The following SMARCC1 variants were observed in gnomAD, a reference collection of about 807,000 sequenced individuals.
SMARCC1 encodes SWI/SNF related BAF chromatin remodeling complex subunit C1.
Under a neutral mutation model 147.4 loss-of-function variants are expected in SMARCC1, and 43 were observed. The ratio of observed to expected loss-of-function variants is 0.29; its 90% CI spans 0.23 to 0.38. SMARCC1 has a LOEUF of 0.38. Among genes scored for constraint, SMARCC1 ranks in the 10% least tolerant of loss-of-function variants. The pLI is 1.00. For synonymous variants in SMARCC1, 495 were observed against 484.4 expected (o/e 1.02, Z -0.29); for missense variants, 1,119 against 1,381.1 (o/e 0.81, Z 3.01).
chr3:47,680,847 G>A (rs2033636310), intron 14 of SMARCC1, among the ~76,000 whole-genome samples: 2 of 151,944 alleles, frequency 1.3e-5, no homozygotes, highest in Admixed American at 6.6e-5. Context: ...GCGCCCGGCC[G>A]GAGTGTTCTT....
intron 7 of SMARCC1, among the ~76,000 whole-genome samples, chr3:47,716,040 T>C (rs1330705711): frequency 6.6e-6 from 1 of 151,548 alleles, no homozygotes; most frequent in Admixed American, 6.6e-5. Context: ...TACTGACCAG[T>C]AAACTATGAA....
At chr3:47,747,372 G>A (rs1051457736) in intron 2 of SMARCC1, among the ~76,000 whole-genome samples, 1 of 151,116 alleles carries the variant, frequency 6.6e-6, no homozygotes, top group Non-Finnish European at 1.5e-5. Context: ...AGGAGGCAAA[G>A]GTTGCAGTGA....
intron 21 of SMARCC1, among the ~76,000 whole-genome samples, chr3:47,653,739 T>C (rs2033222900): frequency 6.6e-6 from 1 of 152,222 alleles, no homozygotes; most frequent in Non-Finnish European, 1.5e-5. Flanking sequence ...ATTTGAAATA[T>C]TTATGTTATG....
At chr3:47,772,254 C>T (rs2034922834) in intron 2 of SMARCC1, among the ~76,000 whole-genome samples, 1 of 151,944 alleles carries the variant, frequency 6.6e-6, no homozygotes, top group African/African-American at 2.4e-5. Flanking sequence ...CCCATATGCG[C>T]GTGGTAGCAC....
chr3:47,753,347 A>G (rs1399136779), intron 2 of SMARCC1, among the ~76,000 whole-genome samples: 7 of 151,204 alleles, frequency 4.6e-5, no homozygotes, highest in Admixed American at 6.6e-5. Flanking sequence ...AAAAAGAAGA[A>G]AAGAGAAGAT....
At chr3:47,682,537 A>C (rs1024249771) in intron 14 of SMARCC1, among the ~76,000 whole-genome samples, 4 of 152,198 alleles carry the variant, frequency 2.6e-5, no homozygotes, top group African/African-American at 7.2e-5. Flanking sequence ...GATTACAGAC[A>C]AGAGCCATAG....
intron 18 of SMARCC1, among the ~76,000 whole-genome samples, chr3:47,672,732 T>C (rs1277093295): frequency 6.6e-6 from 1 of 152,164 alleles, no homozygotes; most frequent in East Asian, 1.9e-4. Context: ...AGCCACAAAG[T>C]GTAGAAAGAA....
At chr3:47,690,596 T>C (rs777537699) in intron 12 of SMARCC1, among the ~76,000 whole-genome samples, 7 of 152,184 alleles carry the variant, frequency 4.6e-5, no homozygotes, top group South Asian at 2.1e-4. Context: ...ATACAAAGCA[T>C]TGGCAGGAAA....
chr3:47,780,373 G>A (rs1177164896), intron 1 of SMARCC1, among the ~76,000 whole-genome samples: 1 of 151,822 alleles, frequency 6.6e-6, no homozygotes. Context: ...GTTTCACCAT[G>A]TTGGTCAGGC....
At chr3:47,630,832 G>A (rs1157879753) in intron 24 of SMARCC1, among the ~76,000 whole-genome samples, 1 of 152,182 alleles carries the variant, frequency 6.6e-6, no homozygotes, top group Admixed American at 6.5e-5. Context: ...GGAGACTGAG[G>A]TGGGCAGATT....
chr3:47,767,666 G>A (rs1440389798), intron 2 of SMARCC1, among the ~76,000 whole-genome samples: 15 of 133,754 alleles, frequency 1.1e-4, no homozygotes, highest in Admixed American at 8.6e-5. Context: ...TCAGGAGTTC[G>A]AGACCAGCTT....
intron 1 of SMARCC1, among the ~76,000 whole-genome samples, chr3:47,774,068 GTTAATGTGGTATGTCTCTA>G (rs2034946034): frequency 6.6e-6 from 1 of 151,810 alleles, no homozygotes; most frequent in African/African-American, 2.4e-5. Flanking sequence ...ACATTTCAAG[GTTAATGTGGTATGTCTCTA>G]TTACAATAAA....
At chr3:47,721,683 A>T (rs550135094) in intron 6 of SMARCC1, among the ~76,000 whole-genome samples, 1 of 152,186 alleles carries the variant, frequency 6.6e-6, no homozygotes, top group South Asian at 2.1e-4. Context: ...GCTGTTTTTG[A>T]AGTATACAAT....
chr3:47,694,154 C>G (rs2033821352), intron 11 of SMARCC1, among the ~76,000 whole-genome samples: 1 of 152,144 alleles, frequency 6.6e-6, no homozygotes. Context: ...TGTAAGTTAA[C>G]CAGCCCTACA....
chr3:47,758,519 G>C (rs1168241023), intron 2 of SMARCC1, among the ~76,000 whole-genome samples: 1 of 152,008 alleles, frequency 6.6e-6, no homozygotes, highest in Admixed American at 6.6e-5. Context: ...TAACACAACA[G>C]GGTACCATCT....
At chr3:47,739,826 T>G (rs2034487849) in intron 3 of SMARCC1, among the ~76,000 whole-genome samples, 1 of 152,154 alleles carries the variant, frequency 6.6e-6, no homozygotes, top group South Asian at 2.1e-4. Flanking sequence ...CACTATCACT[T>G]CCAGAATCAG....
intron 2 of SMARCC1, among the ~76,000 whole-genome samples, chr3:47,768,659 G>C (rs1045769982): frequency 6.6e-6 from 1 of 152,148 alleles, no homozygotes; most frequent in Admixed American, 6.6e-5. Flanking sequence ...TCAATCAATA[G>C]CTAATTTGAT....
Position 47,594,597 on chromosome 3 carries a change from C to T in SMARCC1, c.3044-3760G>A, listed in dbSNP as rs146393894. Among the ~76,000 whole-genome samples, 11 of 152,072 alleles carry T rather than the reference C, an allele frequency of 7.2e-5. No individual in the cohort carries two copies. The East Asian group carries it at 2.1e-3, about 29-fold the overall frequency. ...TGAGTGCACATAAAGGAGTGAAAGG[C>T]AAACCAAGGAAAAACTATGGAAGGA... is the stretch of plus-strand genomic sequence containing the variant. On this transcript the variant is annotated intron_variant, in intron 26 of 27. Transcript: ENST00000254480.
intron 5 of SMARCC1, among the ~76,000 whole-genome samples, chr3:47,730,079 T>TGAGGCA (rs942596450): frequency 1.3e-5 from 2 of 152,040 alleles, no homozygotes; most frequent in African/African-American, 4.8e-5. Flanking sequence ...TTCAAGAGGC[T>TGAGGCA]GAGGCAGAAG....
Sources: gnomAD v4.1 joint callset for allele counts (sites outside exome capture counted in the v4.1 genomes callset) on GRCh38, gnomAD v4.1.1 for gene constraint, MANE v1.5 for transcripts, NCBI Gene and HGNC (gene_info 2026-07-23, HGNC 2026-07-21) for gene names.